Variants in SF1 observed in about 807,000 individuals in gnomAD.
SF1 encodes splicing factor 1.
SF1 carries 7 observed loss-of-function variants against 62.5 expected under a neutral mutation model. The ratio of observed to expected loss-of-function variants is 0.11; its 90% CI spans 0.06 to 0.21. SF1 has a LOEUF of 0.21. SF1 is among the 10% of genes least tolerant of loss of function. The pLI is 1.00. For synonymous variants in SF1, 394 were observed against 323.6 expected, an observed-to-expected ratio of 1.22 and a Z score of -2.33; for missense variants, 578 against 884.0, an observed-to-expected ratio of 0.65 and a Z score of 4.39.
Position 64,770,185 on chromosome 11 carries a change from T to C in SF1, c.389+71A>G, listed in dbSNP as rs1158575359. 4.4e-6 allele frequency: 7 copies of C among 1,575,190 alleles called. No homozygotes were observed. In the East Asian group the frequency reaches 1.1e-4, roughly 25 times the overall value. ...GGCAAGAGGTGAGTAGTACCAATAC[T>C]GTCCCATCCCAGCAGGTCACCCATG... is the stretch of plus-strand genomic sequence containing the variant. On this transcript the variant is annotated intron_variant, in intron 4 of 12. Coordinates refer to ENST00000377390, the MANE Select transcript of SF1 (RefSeq NM_004630.4).
At chr11:64,776,755 C>T (rs751825860) in intron 1 of SF1, 129 bp from the exon 2 acceptor site, 26 of 874,706 alleles carry the variant, frequency 3.0e-5, no homozygotes, top group Non-Finnish European at 4.3e-5. Flanking sequence ...AAAACTTAAA[C>T]ATTAAAAAAA....
chr11:64,767,411 A>C, intron 10 of SF1, 160 bp from the exon 11 acceptor site: 1 of 1,032,634 alleles, frequency 9.7e-7, no homozygotes. Flanking sequence ...TCCCTGAACC[A>C]GAATGGAGTC....
intron 3 of SF1, chr11:64,772,934 A>G (rs1310371844): frequency 1.0e-6 from 1 of 986,850 alleles, no homozygotes; most frequent in Non-Finnish European, 1.2e-6. Context: ...AGTTGGTTAG[A>G]AATCTCATCT....
chr11:64,767,243 G>A lies in SF1; in HGVS notation c.1351C>T (p.Leu451=), dbSNP rs907812330. The A allele has an allele frequency of 1.9e-6, 3 of 1,614,062 alleles. No homozygotes were observed. The highest frequency in any genetic ancestry group is 1.3e-5 in the African/African-American group (1 of 75,032). ...HHGPPPMDQY[L]GSTPVGSGVY... ...CCAGAGCCCACAGGCGTACTTCCCAGGTACTGATCTTGATGGAAGGAAAGA... is the reference window on the plus strand; with the variant it reads ...CCAGAGCCCACAGGCGTACTTCCCAAGTACTGATCTTGATGGAAGGAAAGA... The change falls in exon 11 of 13, where the codon CTG becomes TTG. Residue 451 remains leucine, a synonymous_variant. Coordinates refer to ENST00000377390, the MANE Select transcript of SF1 (RefSeq NM_004630.4).
At chr11:64,777,454 A>G in intron 1 of SF1, 1 of 973,022 alleles carries the variant, frequency 1.0e-6, no homozygotes, top group Non-Finnish European at 1.2e-6. Context: ...TCCCCAAAAG[A>G]GACCAAGAAA....
At chr11:64,767,395 A>G (rs1406339014) in intron 10 of SF1, 144 bp from the exon 11 acceptor site, 3 of 1,045,756 alleles carry the variant, frequency 2.9e-6, no homozygotes, top group Non-Finnish European at 4.4e-6. Context: ...CCCAACACAG[A>G]ATCACTCCCT....
chr11:64,766,203 G>A (rs765284085), intron 12 of SF1, 48 bp from the exon 13 acceptor site: 20 of 1,505,652 alleles, frequency 1.3e-5, no homozygotes, highest in Admixed American at 3.5e-5. Context: ...GGCACACCGC[G>A]GCTGTCTGCG....
intron 5 of SF1, 76 bp from the exon 6 acceptor site, chr11:64,769,685 G>A: frequency 7.5e-7 from 1 of 1,342,276 alleles, no homozygotes; most frequent in Non-Finnish European, 1.0e-6. Context: ...GACCAATTTG[G>A]CATTGGTGGG....
At chr11:64,767,411 A>G in intron 10 of SF1, 160 bp from the exon 11 acceptor site, 2 of 1,032,634 alleles carry the variant, frequency 1.9e-6, no homozygotes, top group Non-Finnish European at 2.9e-6. Flanking sequence ...TCCCTGAACC[A>G]GAATGGAGTC....
chr11:64,773,801 G>A (rs184027582), intron 2 of SF1, among the ~76,000 whole-genome samples: 4 of 152,228 alleles, frequency 2.6e-5, no homozygotes, highest in Non-Finnish European at 5.9e-5. Context: ...ATTATTAGGA[G>A]GTGTTTCACC....
intron 1 of SF1, chr11:64,777,454 A>C: frequency 1.0e-6 from 1 of 973,022 alleles, no homozygotes; most frequent in Non-Finnish European, 1.2e-6. Flanking sequence ...TCCCCAAAAG[A>C]GACCAAGAAA....
chr11:64,772,342 C>T, intron 3 of SF1: 1 of 976,362 alleles, frequency 1.0e-6, no homozygotes, highest in Non-Finnish European at 1.2e-6. Flanking sequence ...AAAAAATCTT[C>T]AAAAAGAAAC....
intron 3 of SF1, chr11:64,772,537 T>A (rs1938492354): frequency 1.0e-6 from 1 of 985,200 alleles, no homozygotes; most frequent in Admixed American, 6.1e-5. Context: ...TTTAATAAGC[T>A]ATTAACTGGG....
intron 12 of SF1, 84 bp downstream of exon 12, chr11:64,766,816 T>TGA: frequency 8.6e-7 from 1 of 1,166,034 alleles, no homozygotes; most frequent in South Asian, 2.1e-5. Flanking sequence ...CCAAGACACC[T>TGA]GCCTGCTTGT....
chr11:64,769,170 T>C, intron 7 of SF1, 41 bp from the exon 8 acceptor site: 1 of 1,607,418 alleles, frequency 6.2e-7, no homozygotes, highest in South Asian at 1.1e-5. Context: ...GAACAATCTC[T>C]ACTTCCATAG....
intron 2 of SF1, among the ~76,000 whole-genome samples, chr11:64,775,336 T>C (rs1939023615): frequency 6.6e-6 from 1 of 152,190 alleles, no homozygotes; most frequent in African/African-American, 2.4e-5. Context: ...GCTCTTCCCA[T>C]CTTCTAAGTA....
intron 1 of SF1, chr11:64,777,987 C>T: frequency 7.0e-6 from 7 of 996,074 alleles, no homozygotes; most frequent in Non-Finnish European, 8.3e-6. Context: ...CCCGACTCAC[C>T]TCCTCCGCCG....
chr11:64,773,149 G>C, intron 3 of SF1: 2 of 1,252,664 alleles, frequency 1.6e-6, no homozygotes, highest in African/African-American at 3.2e-5. Context: ...TGTCCCCTAA[G>C]GGTGGGTAAA....
chr11:64,767,122 G>C (rs376856584), intron 11 of SF1, 43 bp from the exon 12 acceptor site: 1 of 1,611,180 alleles, frequency 6.2e-7, no homozygotes, highest in Admixed American at 1.7e-5. Flanking sequence ...AGGGAAAGGC[G>C]GGGACTTGGG....
Sources: gnomAD v4.1 joint callset for allele counts (sites outside exome capture counted in the v4.1 genomes callset) on GRCh38, gnomAD v4.1.1 for gene constraint, MANE v1.5 for transcripts, NCBI Gene and HGNC (gene_info 2026-07-23, HGNC 2026-07-21) for gene names.